Variants in TSPAN31 observed in about 807,000 individuals in gnomAD.
The protein encoded by TSPAN31 is tetraspanin 31, also known as tetraspanin-31.
TSPAN31 carries 16 observed loss-of-function variants against 24.8 expected under a neutral mutation model. The observed-to-expected ratio is 0.64, with a 90% CI of 0.44 to 0.98. The LOEUF (loss-of-function observed/expected upper bound fraction) is 0.98. Among genes scored for constraint, TSPAN31 ranks in the 50% least tolerant of loss-of-function variants. The probability of loss-of-function intolerance (pLI) is 0.00; values close to 1 mark genes in which losing one functional copy is unlikely to be tolerated. For missense variants in TSPAN31, 209 were observed against 251.6 expected, an observed-to-expected ratio of 0.83 and a Z score of 1.15; for synonymous variants, 87 against 91.4, an observed-to-expected ratio of 0.95 and a Z score of 0.27.
At chr12:57,747,176 GAATT>G (rs768624021) in intron 5 of TSPAN31, 36 bp from the exon 6 acceptor site, 9 of 1,613,064 alleles carry the variant, frequency 5.6e-6, no homozygotes, top group African/African-American at 1.3e-5. Context: ...TTGAGACTGA[GAATT>G]AATTGATACT....
chr12:57,745,590 G>T, intron 1 of TSPAN31, 155 bp from the exon 2 acceptor site: 1 of 928,180 alleles, frequency 1.1e-6, no homozygotes, highest in East Asian at 2.5e-5. Context: ...GGAGTGCCTA[G>T]GGATGCTCCC....
chr12:57,747,039 A>G lies in TSPAN31; in HGVS notation c.466A>G (p.Thr156Ala). The change falls in exon 5 of 6, where the codon ACA becomes GCA. Residue 156 changes from threonine to alanine, a missense_variant. Thr to Ala is a moderately conservative substitution (Grantham distance 58). Coordinates refer to ENST00000257910, the MANE Select transcript of TSPAN31 (RefSeq NM_005981.5). ...TCAGATCTGCAAGAGCCAGAGCCCC[A>G]CATGCCAGATGTGTGGAGAAAAGTT... ...CTAICKSQSP[T>A]CQMCGEKFLK... 1 of 1,614,218 alleles carries G rather than the reference A, an allele frequency of 6.2e-7. No individual in the cohort carries two copies. The highest frequency in any genetic ancestry group is 2.2e-5 in the East Asian group (1 of 44,890).
chr12:57,745,249 G>T, intron 1 of TSPAN31, 32 bp downstream of exon 1: 1 of 1,602,474 alleles, frequency 6.2e-7, no homozygotes, highest in Non-Finnish European at 8.5e-7. Flanking sequence ...AAGCTTCAAG[G>T]CGGAAAGGCC....
At position 57,749,135 on chromosome 12, in the gene TSPAN31, T is replaced by G; in HGVS notation, c.*1845T>G. On this transcript the variant is annotated 3_prime_UTR_variant, in exon 6 of 6. Coordinates refer to ENST00000257910, the MANE Select transcript of TSPAN31 (RefSeq NM_005981.5). ...GGCCCTGCATACTGCTCTATTTCTT[T>G]CCCCAGTCTCTATTTCTTTCCCTGT... 6.2e-7 allele frequency: 1 copy of G among 1,612,986 alleles called. No individual in the cohort carries two copies. Among genetic ancestry groups the G allele is most frequent in the Non-Finnish European group, 8.5e-7 (1 of 1,178,976 alleles).
intron 2 of TSPAN31, 108 bp downstream of exon 2, chr12:57,746,020 G>C: frequency 6.8e-7 from 1 of 1,466,096 alleles, no homozygotes; most frequent in Non-Finnish European, 9.3e-7. Flanking sequence ...ACGTCTCCTT[G>C]CCCTGCCCTG....
In TSPAN31 at chr12:57,747,353, A is replaced by G. The variant is rs547158675; in HGVS notation, c.*63A>G. The G allele has an allele frequency of 5.4e-6, 8 of 1,481,568 alleles. No individual in the cohort carries two copies. The highest frequency in any genetic ancestry group is 1.7e-4 in the Middle Eastern group (1 of 5,732). The allele number at this position is 1,481,568 out of a possible 1,614,324, so 91.8% of individuals were successfully genotyped here. ...AAGCTTTCTCTTCCTCCCTTAGGGA[A>G]TATCTAGGGTCTGTAACCGTTTTGG... On this transcript the variant is annotated 3_prime_UTR_variant, in exon 6 of 6. Coordinates refer to ENST00000257910, the MANE Select transcript of TSPAN31 (RefSeq NM_005981.5).
In TSPAN31 at chr12:57,749,804, CTGGCCAACA is replaced by C. The variant is rs540214842; in HGVS notation, c.*2518_*2526del. 2.7e-3 allele frequency: 1,242 copies of C among 453,640 alleles called. 11 individuals carry two copies. Among genetic ancestry groups the C allele is most frequent in the African/African-American group, 0.023 (1,152 of 50,684 alleles). 28.1% of individuals were successfully genotyped at this position (453,640 alleles called of 1,614,324 possible). ...ATGAGGTCAAGAGATCGAGACCATCCTGGCCAACATGGTGAAACCCTGTCATTACTAAAA... is the reference window on the plus strand; with the variant it reads ...ATGAGGTCAAGAGATCGAGACCATCCTGGTGAAACCCTGTCATTACTAAAA... On this transcript the variant is annotated 3_prime_UTR_variant, in exon 6 of 6. Coordinates refer to ENST00000257910, the MANE Select transcript of TSPAN31 (RefSeq NM_005981.5).
Position 57,749,579 on chromosome 12 carries a change from CA to C in TSPAN31, c.*2293del. Reference sequence around the variant, plus strand: ...GTTGAATGGTTACTGCTTAGTGGCTCAAAATAGGAAGTATAGGGAATAAAGG... The same window carrying C: ...GTTGAATGGTTACTGCTTAGTGGCTCAAATAGGAAGTATAGGGAATAAAGG... On this transcript the variant is annotated 3_prime_UTR_variant, in exon 6 of 6. Transcript: ENST00000257910. 1 of 1,414,550 alleles carries C rather than the reference CA, an allele frequency of 7.1e-7. No homozygotes were observed. Among genetic ancestry groups the C allele is most frequent in the Non-Finnish European group, 1.0e-6 (1 of 1,002,304 alleles). 87.6% of individuals were successfully genotyped at this position (1,414,550 alleles called of 1,614,324 possible). A position where few individuals can be genotyped will look rare whatever the true frequency, so the allele number is the denominator to read the frequency against.
Position 57,745,882 on chromosome 12 carries a change from T to G in TSPAN31, c.201T>G (p.Ala67=), listed in dbSNP as rs778999210. 3.1e-6 allele frequency: 5 copies of G among 1,610,930 alleles called. No homozygotes were observed. The highest frequency in any genetic ancestry group is 3.4e-6 in the Non-Finnish European group (4 of 1,178,708). Residue 67 remains alanine, a synonymous_variant, in exon 2 of 6, where the codon GCT becomes GCG. Coordinates refer to ENST00000257910, the MANE Select transcript of TSPAN31 (RefSeq NM_005981.5). ...TTGCAGTGGCTGGACTGGTGGGTGC[T>G]GTCAACCACCACCAAGTCCTGCTGT... ...LLIAVAGLVG[A]VNHHQVLLFF... is the part of the protein sequence containing the mutation.
In TSPAN31 at chr12:57,748,772, C is replaced by T. The variant is rs1955192312; in HGVS notation, c.*1482C>T. 2 of 621,452 alleles carry T rather than the reference C, an allele frequency of 3.2e-6. No individual in the cohort carries two copies. The highest frequency in any genetic ancestry group is 5.8e-6 in the Non-Finnish European group (2 of 347,414). The allele number at this position is 621,452 out of a possible 1,614,324, so 38.5% of individuals were successfully genotyped here. A position where few individuals can be genotyped will look rare whatever the true frequency, so the allele number is the denominator to read the frequency against. ...CCAGGCTGGAGTGCAATGGTATGAT[C>T]TCAGCTCACTGCAACCTCCGCCTCC... On this transcript the variant is annotated 3_prime_UTR_variant, in exon 6 of 6. Transcript: ENST00000257910.
chr12:57,748,766 TATG>T lies in TSPAN31; in HGVS notation c.*1479_*1481del. 3.1e-6 allele frequency: 2 copies of T among 643,102 alleles called. No homozygotes were observed. Among genetic ancestry groups the T allele is most frequent in the Non-Finnish European group, 5.6e-6 (2 of 359,080 alleles). The allele number at this position is 643,102 out of a possible 1,614,324, so 39.8% of individuals were successfully genotyped here. On this transcript the variant is annotated 3_prime_UTR_variant, in exon 6 of 6. Coordinates refer to ENST00000257910, the MANE Select transcript of TSPAN31 (RefSeq NM_005981.5). ...TATCACCCAGGCTGGAGTGCAATGGTATGATCTCAGCTCACTGCAACCTCCGCC... is the reference window on the plus strand; with the variant it reads ...TATCACCCAGGCTGGAGTGCAATGGTATCTCAGCTCACTGCAACCTCCGCC...
rs925048579 is a variant in TSPAN31, at chr12:57,748,922, T to G, written c.*1632T>G. On this transcript the variant is annotated 3_prime_UTR_variant, in exon 6 of 6. Coordinates refer to ENST00000257910, the MANE Select transcript of TSPAN31 (RefSeq NM_005981.5). ...GGTTTCACCATGTTGGCCAGGCTGG[T>G]CTCGAACTCCTGACCTCAGGTGATA... 1.2e-5 allele frequency: 7 copies of G among 563,064 alleles called. No homozygotes were observed. The highest frequency in any genetic ancestry group is 3.1e-5 in the Admixed American group (1 of 32,660). 34.9% of individuals were successfully genotyped at this position (563,064 alleles called of 1,614,324 possible).
intron 2 of TSPAN31, 26 bp from the exon 3 acceptor site, chr12:57,746,150 C>CT (rs765490135): frequency 1.9e-6 from 3 of 1,602,778 alleles, no homozygotes; most frequent in Non-Finnish European, 2.6e-6. Context: ...GAATCTAGGA[C>CT]TTTTTTCCAT....
chr12:57,750,162 A>AATAC lies in TSPAN31; in HGVS notation c.*2875_*2876insCATA, dbSNP rs1357747599. The stretch of plus-strand genomic sequence containing the variant: ...GAGTGAAACCTTATCTCAATAAATA[A>AATAC]ATAAATAAATAAATAAATAAATAAA... On this transcript the variant is annotated 3_prime_UTR_variant, in exon 6 of 6. Coordinates refer to ENST00000257910, the MANE Select transcript of TSPAN31 (RefSeq NM_005981.5). 6 of 66,668 alleles carry AATAC rather than the reference A, an allele frequency of 9.0e-5. No homozygotes were observed. The South Asian group carries it at 3.6e-3, about 40-fold the overall frequency. The allele number at this position is 66,668 out of a possible 1,614,324, so 4.1% of individuals were successfully genotyped here. A position where few individuals can be genotyped will look rare whatever the true frequency, so the allele number is the denominator to read the frequency against.
Position 57,746,248 on chromosome 12 carries a change from A to G in TSPAN31, c.304A>G (p.Ser102Gly). The G allele has an allele frequency of 6.2e-7, 1 of 1,613,860 alleles. No individual in the cohort carries two copies. Residue 102 changes from serine to glycine, a missense_variant, in exon 3 of 6, where the codon AGC (serine) becomes GGC (glycine). Transcript: ENST00000257910. Reference protein sequence around the residue: ...ISCSCLAINRSKQTDVINASW... With the variant: ...ISCSCLAINRGKQTDVINASW... ...TTGCTCATGTCTGGCTATTAACCGA[A>G]GCAAACAGGTAAGACAGTACCCTTT...
intron 1 of TSPAN31, 197 bp downstream of exon 1, chr12:57,745,414 G>A: frequency 1.6e-6 from 1 of 640,424 alleles, no homozygotes; most frequent in Non-Finnish European, 2.7e-6. Flanking sequence ...GTCTGAGGGT[G>A]GGGGAATGAA....
chr12:57,746,952 G>A (rs757079129), intron 4 of TSPAN31, 66 bp from the exon 5 acceptor site: 16 of 1,451,502 alleles, frequency 1.1e-5, no homozygotes, highest in East Asian at 2.3e-5. Flanking sequence ...AGGGACATTC[G>A]GCATAGGTAT....
At chr12:57,745,964 T>C in intron 2 of TSPAN31, 52 bp downstream of exon 2, 6 of 1,553,304 alleles carry the variant, frequency 3.9e-6, no homozygotes, top group Non-Finnish European at 5.2e-6. Flanking sequence ...AGGGCTGTCA[T>C]CTAAGGAAGA....
intron 5 of TSPAN31, 26 bp from the exon 6 acceptor site, chr12:57,747,190 T>G: frequency 1.2e-6 from 2 of 1,613,692 alleles, no homozygotes; most frequent in Non-Finnish European, 1.7e-6. Flanking sequence ...TAATTGATAC[T>G]TATCTCTCTC....
Sources: gnomAD v4.1 joint callset for allele counts on GRCh38, gnomAD v4.1.1 for gene constraint, MANE v1.5 for transcripts, NCBI Gene and HGNC (gene_info 2026-07-23, HGNC 2026-07-21) for gene names.